The following ABCA2 variants were observed in gnomAD, a reference collection of about 807,000 sequenced individuals.
ABCA2 encodes ATP binding cassette subfamily A member 2.
A neutral mutation model predicts 262.8 loss-of-function variants in ABCA2; 84 were observed. The observed-to-expected ratio is 0.32, with a 90% CI of 0.27 to 0.38. ABCA2 has a LOEUF of 0.38. ABCA2 is among the 10% of genes least tolerant of loss of function. ABCA2 has a pLI of 1.00. For missense variants in ABCA2, 2,662 were observed against 3,405.9 expected (o/e 0.78, Z 5.44); for synonymous variants, 1,696 against 1,502.9 (o/e 1.13, Z -2.97).
At chr9:137,027,973 G>A in intron 1 of ABCA2, 102 bp downstream of exon 1, 1 of 576,992 alleles carries the variant, frequency 1.7e-6, no homozygotes, top group African/African-American at 2.0e-5. Context: ...GCCCGCCGGG[G>A]TCTGCGCGCG....
chr9:137,027,343 A>C (rs1211922558), intron 1 of ABCA2: 1 of 152,470 alleles, frequency 6.6e-6, no homozygotes, highest in African/African-American at 2.4e-5. Context: ...CTGGCTGCCC[A>C]GGCAGTGCTG....
rs759253045 is a variant in ABCA2, at chr9:137,012,521, G to A, written c.5151C>T (p.Pro1717=). The stretch of plus-strand genomic sequence containing the variant: ...TGCGCACCGCGATCTTCCGCACCAT[G>A]GGTGGGGCCCTGGTGCCAAATGAGG... ...IPASFGTRAP[P]MVRKIAVRRA... is the part of the protein sequence containing the mutation. The change falls in exon 32 of 49, where the codon CCC becomes CCT. Residue 1717 remains proline, a synonymous_variant. Transcript: ENST00000341511. 5.0e-6 allele frequency: 8 copies of A among 1,611,852 alleles called. No homozygotes were observed. The East Asian group carries it at 1.8e-4, about 36-fold the overall frequency.
At position 137,015,293 on chromosome 9, in the gene ABCA2, C is replaced by CA. The variant is rs1469376989; in HGVS notation, c.3697+120dup. On this transcript the variant is annotated intron_variant, in intron 24 of 48. Transcript: ENST00000341511. ...GCGTTGCAGAGGGCGGGCCAGGCCC[C>CA]AGCAGGCATCCTGGGCCCAGCGGGT... 3 of 1,315,172 alleles carry CA rather than the reference C, an allele frequency of 2.3e-6. No individual in the cohort carries two copies. The East Asian group carries it at 7.6e-5, about 33-fold the overall frequency. 81.5% of individuals were successfully genotyped at this position (1,315,172 alleles called of 1,614,324 possible). A position where few individuals can be genotyped will look rare whatever the true frequency, so the allele number is the denominator to read the frequency against.
Position 137,019,370 on chromosome 9 carries a change from A to C in ABCA2, c.1426-64T>G, listed in dbSNP as rs1162179057. On this transcript the variant is annotated intron_variant, in intron 10 of 48. Coordinates refer to ENST00000341511, the MANE Select transcript of ABCA2 (RefSeq NM_001606.5). This position sits in a 1 kb window ranked among gnomAD's most constrained non-coding sequence, Gnocchi z 4.4. ...GACCCCCACCGACTTGGGGGCTCTC[A>C]CCCCACTCACCTCCCCAGTGGCTGG... 14 of 1,556,818 alleles carry C rather than the reference A, an allele frequency of 9.0e-6. No individual in the cohort carries two copies. The highest frequency in any genetic ancestry group is 2.3e-5 in the East Asian group (1 of 43,168).
rs1000096093 is a variant in ABCA2 at position 137,011,610 on chromosome 9, G to A, written c.5651+24C>T. ...GGCAGCCCCGGTCCCACCTGAGGCC[G>A]CTCCCCCCTCCGCTTCCGCTTACCC... On this transcript the variant is annotated intron_variant, in intron 36 of 48. Transcript: ENST00000341511. The surrounding 1 kb of genome is among the most constrained non-coding windows in gnomAD (Gnocchi z 8.8). The A allele has an allele frequency of 1.2e-5, 18 of 1,553,810 alleles. No homozygotes were observed. Among genetic ancestry groups the A allele is most frequent in the South Asian group, 3.6e-5 (3 of 84,500 alleles).
rs943768008 is a variant in ABCA2 at position 137,019,523 on chromosome 9, A to G, written c.1426-217T>C. The G allele has an allele frequency of 3.6e-5, 19 of 533,886 alleles. No homozygotes were observed. Among genetic ancestry groups the G allele is most frequent in the African/African-American group, 3.5e-4 (18 of 50,796 alleles). The allele number at this position is 533,886 out of a possible 1,614,324, so 33.1% of individuals were successfully genotyped here. On this transcript the variant is annotated intron_variant, in intron 10 of 48. Transcript: ENST00000341511. This position sits in a 1 kb window ranked among gnomAD's most constrained non-coding sequence, Gnocchi z 4.4. ...CTGCAGCCTCCACCTCCCAGGCTCA[A>G]GGGATCCTCCCGCCTCAGCCCTCCA...
In ABCA2 at chr9:137,010,016, C is replaced by T. The variant is rs1345783263; in HGVS notation, c.6462G>A (p.Arg2154=). 2.5e-6 allele frequency: 4 copies of T among 1,598,762 alleles called. No homozygotes were observed. The highest frequency in any genetic ancestry group is 3.4e-6 in the Non-Finnish European group (4 of 1,174,246). Residue 2154 remains arginine, a synonymous_variant, in exon 42 of 49, where the codon CGG becomes CGA. Coordinates refer to ENST00000341511, the MANE Select transcript of ABCA2 (RefSeq NM_001606.5). The part of the protein sequence containing the change: ...TAREHLQLYT[R]LRGISWKDEA... Reference sequence around the variant, plus strand: ...CGTCCTTCCAGGAGATCCCACGCAGCCGCGTGTACAGCTGCAGGTGCTCCC... The same window carrying T: ...CGTCCTTCCAGGAGATCCCACGCAGTCGCGTGTACAGCTGCAGGTGCTCCC...
chr9:137,021,898 C>A lies in ABCA2; in HGVS notation c.671G>T (p.Arg224Leu), dbSNP rs76378273. ...WSRLGGNPLF[R>L]MEELLLAPAL... The stretch of plus-strand genomic sequence containing the variant: ...ACACATGGATGCCCTCACCTCCATC[C>A]GGAACAGGGGATTGCCCCCTAGGCG... Residue 224 changes from arginine to leucine, a missense_variant, in exon 7 of 49, where the codon CGG becomes CTG. This residue lies in a region of ABCA2 where 403 missense variants were observed against 375.9 expected (regional missense o/e 1.07). Coordinates refer to ENST00000341511, the MANE Select transcript of ABCA2 (RefSeq NM_001606.5). The surrounding 1 kb of genome is among the most constrained non-coding windows in gnomAD (Gnocchi z 6.0). 6.3e-7 allele frequency: 1 copy of A among 1,595,872 alleles called. No individual in the cohort carries two copies. Among genetic ancestry groups the A allele is most frequent in the East Asian group, 2.3e-5 (1 of 44,228 alleles).
At position 137,011,008 on chromosome 9, in the gene ABCA2, G is replaced by A. The variant is rs1410027482; in HGVS notation, c.6021C>T (p.Thr2007=). Reference sequence around the variant, plus strand: ...GCAGGAAGTTGTACTGGCACATGATGGTCAGGAGGAAGCCCACGACGCCCT... The same window carrying A: ...GCAGGAAGTTGTACTGGCACATGATAGTCAGGAGGAAGCCCACGACGCCCT... ...AVEGVVGFLL[T]IMCQYNFLRR... The change falls in exon 39 of 49, where the codon ACC becomes ACT. Residue 2007 remains threonine, a synonymous_variant. Coordinates refer to ENST00000341511, the MANE Select transcript of ABCA2 (RefSeq NM_001606.5). This position sits in a 1 kb window ranked among gnomAD's most constrained non-coding sequence, Gnocchi z 8.8. 3 of 1,603,756 alleles carry A rather than the reference G, an allele frequency of 1.9e-6. No individual in the cohort carries two copies. The highest frequency in any genetic ancestry group is 2.7e-5 in the African/African-American group (2 of 73,536).
chr9:137,015,461 T>C lies in ABCA2; in HGVS notation c.3650A>G (p.Tyr1217Cys), dbSNP rs781732794. The change falls in exon 24 of 49, where the codon TAC becomes TGC. Residue 1217 changes from tyrosine to cysteine, a missense_variant. By Grantham distance (194) the Tyr-to-Cys change is radical. This residue lies in a region of ABCA2 where 180 missense variants were observed against 307.3 expected (regional missense o/e 0.59). Coordinates refer to ENST00000341511, the MANE Select transcript of ABCA2 (RefSeq NM_001606.5). ...LFLKGTYGDGYRLTLVKRPAE... is the reference protein window; with the variant it reads ...LFLKGTYGDGCRLTLVKRPAE... ...GGGCCGCTTGACCAGCGTGAGGCGG[T>C]ACCCGTCGCCATAGGTGCCCTTGAG... 6.3e-7 allele frequency: 1 copy of C among 1,587,506 alleles called. No individual in the cohort carries two copies. The highest frequency in any genetic ancestry group is 8.6e-7 in the Non-Finnish European group (1 of 1,169,320).
chr9:137,014,536 A>G (rs993919186), intron 26 of ABCA2, 132 bp from the exon 27 acceptor site: 2 of 1,448,448 alleles, frequency 1.4e-6, no homozygotes, highest in African/African-American at 2.8e-5. Flanking sequence ...CACCAGGACC[A>G]CCCACCTAGG....
In ABCA2 at chr9:137,023,071, A is replaced by G. The variant is rs2131468677; in HGVS notation, c.164-19T>C. 3 of 1,546,482 alleles carry G rather than the reference A, an allele frequency of 1.9e-6. No individual in the cohort carries two copies. Among genetic ancestry groups the G allele is most frequent in the African/African-American group, 1.4e-5 (1 of 73,164 alleles). The stretch of plus-strand genomic sequence containing the variant: ...TAGAAGGCTGGCAGACCCACGGGAG[A>G]GGGCAGGGTCGGGGGTGAAAGGGGA... On this transcript the variant is annotated intron_variant, in intron 3 of 48. Coordinates refer to ENST00000341511, the MANE Select transcript of ABCA2 (RefSeq NM_001606.5).
chr9:137,028,824 C>T, upstream of ABCA2: 1 of 1,308,028 alleles, frequency 7.6e-7, no homozygotes, highest in Non-Finnish European at 1.0e-6. This position sits in a 1 kb window ranked among gnomAD's most constrained non-coding sequence, Gnocchi z 6.9. Flanking sequence ...GCGGAGCAGG[C>T]AGGGGACCGA....
chr9:137,018,492 G>A lies in ABCA2; in HGVS notation c.1820-141C>T, dbSNP rs1403827298. 5.8e-5 allele frequency: 39 copies of A among 678,078 alleles called. No individual in the cohort carries two copies. In the East Asian group the frequency reaches 1.1e-3, roughly 20 times the overall value. 42.0% of individuals were successfully genotyped at this position (678,078 alleles called of 1,614,324 possible). Reference sequence around the variant, plus strand: ...CAGGGAAAGGTGGGACAGGGCTGGGGTGGGGGCCCCAGGGGAAAGGTGGGC... The same window carrying A: ...CAGGGAAAGGTGGGACAGGGCTGGGATGGGGGCCCCAGGGGAAAGGTGGGC... On this transcript the variant is annotated intron_variant, in intron 13 of 48. Transcript: ENST00000341511.
Position 137,009,014 on chromosome 9 carries a change from G to A in ABCA2, c.6867C>T (p.Ser2289=). 1 of 1,608,676 alleles carries A rather than the reference G, an allele frequency of 6.2e-7. No homozygotes were observed. The highest frequency in any genetic ancestry group is 8.5e-7 in the Non-Finnish European group (1 of 1,179,760). The change falls in exon 46 of 49, where the codon AGC becomes AGT. Residue 2289 remains serine, a synonymous_variant. Coordinates refer to ENST00000341511, the MANE Select transcript of ABCA2 (RefSeq NM_001606.5). ...GCACCACGTCCTTCACACTCTGGCT[G>A]CTCTTGGTCCGCACCGTGATCATGT... ...DGYMITVRTK[S]SQSVKDVVRF...
chr9:137,022,556 C>G (rs1588527644), intron 5 of ABCA2, 78 bp from the exon 6 acceptor site: 1 of 1,572,438 alleles, frequency 6.4e-7, no homozygotes. Context: ...GAGCCGAGCC[C>G]AACACCACAG....
At chr9:137,010,575 C>CA in intron 40 of ABCA2, 45 bp downstream of exon 40, 1 of 1,492,798 alleles carries the variant, frequency 6.7e-7, no homozygotes, top group South Asian at 1.1e-5. Flanking sequence ...CCCCCTGGCC[C>CA]TGGCCTACCC....
chr9:137,021,962 A>G lies in ABCA2; in HGVS notation c.607T>C (p.Ser203Pro), dbSNP rs1831467419. 2 of 1,598,700 alleles carry G rather than the reference A, an allele frequency of 1.3e-6. No homozygotes were observed. Among genetic ancestry groups the G allele is most frequent in the Non-Finnish European group, 1.7e-6 (2 of 1,175,432 alleles). The change falls in exon 7 of 49, where the codon TCA (serine) becomes CCA (proline). Residue 203 changes from serine to proline, a missense_variant. Ser to Pro is a moderately conservative substitution (Grantham distance 74, BLOSUM62 -1). This residue lies in a region of ABCA2 where 403 missense variants were observed against 375.9 expected (regional missense o/e 1.07). Coordinates refer to ENST00000341511, the MANE Select transcript of ABCA2 (RefSeq NM_001606.5). This position sits in a 1 kb window ranked among gnomAD's most constrained non-coding sequence, Gnocchi z 6.0. ...TGACCCTTGTGGAGGCCAGACTGTG[A>G]ATCCAGGGCAGATGAGGGACCAAAG... ...LLFGPSSALD[S>P]QSGLHKGQEP...
chr9:137,015,744 C>T lies in ABCA2; in HGVS notation c.3445G>A (p.Glu1149Lys). The change falls in exon 23 of 49, where the codon GAG becomes AAG. Residue 1149 changes from glutamate (E) to lysine (K), a missense_variant. This residue lies in a region of ABCA2 where 180 missense variants were observed against 307.3 expected (regional missense o/e 0.59). Coordinates refer to ENST00000341511, the MANE Select transcript of ABCA2 (RefSeq NM_001606.5). ...VGGSRAIILD[E>K]PTAGVDPYAR... ...TAGGGGTCCACGCCCGCCGTGGGCT[C>T]GTCCAGGATGATGGCGCGAGAGCCG... 2 of 1,612,270 alleles carry T rather than the reference C, an allele frequency of 1.2e-6. No individual in the cohort carries two copies. The highest frequency in any genetic ancestry group is 8.5e-7 in the Non-Finnish European group (1 of 1,179,790).
Sources: gnomAD v4.1 joint callset for allele counts on GRCh38, gnomAD v4.1.1 for gene constraint, gnomAD v4.1.1 regional missense constraint, Gnocchi (gnomAD v3.1) non-coding constraint, MANE v1.5 for transcripts, NCBI Gene and HGNC (gene_info 2026-07-23, HGNC 2026-07-21) for gene names.